TENM3: variants seen among roughly 807,000 people sequenced by gnomAD.
TENM3 encodes the protein teneurin-3.
In TENM3, 63 loss-of-function variants were observed where a neutral mutation model predicts 255.1. That is an observed-to-expected ratio of 0.25 (90% confidence interval 0.20 to 0.30). TENM3 has a LOEUF of 0.30. TENM3 is among the 10% of genes least tolerant of loss of function. The pLI, the probability that TENM3 is intolerant of heterozygous loss-of-function variation, is 1.00. For synonymous variants in TENM3, 1,306 were observed against 1,322.3 expected (o/e 0.99, Z 0.27); for missense variants, 2,929 against 3,461.1 (o/e 0.85, Z 3.86).
chr4:181,739,967 A>G, the TENM3 span, among the ~76,000 whole-genome samples: 1 of 152,332 alleles, frequency 6.6e-6, no homozygotes, highest in South Asian at 2.1e-4. Flanking sequence ...CGCACATGCT[A>G]TGGAAGGATT....
the TENM3 span, among the ~76,000 whole-genome samples, chr4:181,902,583 T>A: frequency 6.6e-6 from 1 of 152,174 alleles, no homozygotes; most frequent in Non-Finnish European, 1.5e-5. Context: ...CATGGAATAC[T>A]ATGCAGCCAT....
chr4:181,929,467 A>C, the TENM3 span, among the ~76,000 whole-genome samples: 1 of 152,232 alleles, frequency 6.6e-6, no homozygotes, highest in African/African-American at 2.4e-5. Flanking sequence ...GAATCAATGT[A>C]ACAAGAAGAG....
the TENM3 span, among the ~76,000 whole-genome samples, chr4:182,016,456 C>T: frequency 6.0e-4 from 91 of 152,284 alleles, 2 homozygotes; most frequent in Non-Finnish European, 3.5e-4. Context: ...CTGCTTTGAA[C>T]CTACCGTCCC....
the TENM3 span, among the ~76,000 whole-genome samples, chr4:181,936,930 A>G: frequency 3.7e-3 from 568 of 152,302 alleles, 4 homozygotes; most frequent in African/African-American, 0.013. Flanking sequence ...GCTTTCATAA[A>G]TAATAAAACA....
the TENM3 span, among the ~76,000 whole-genome samples, chr4:181,876,333 C>T: frequency 6.6e-6 from 1 of 152,130 alleles, no homozygotes; most frequent in African/African-American, 2.4e-5. Context: ...TAATGTCAGA[C>T]TTGTACCTAC....
chr4:182,244,314 C>T (rs755466840), intron 1 of TENM3, among the ~76,000 whole-genome samples: 35 of 152,000 alleles, frequency 2.3e-4, no homozygotes, highest in African/African-American at 8.0e-4. Flanking sequence ...GTGGTCACGG[C>T]GATCACAAAA....
rs371800785 is a variant in TENM3, at chr4:182,708,455, AT to A, written c.2222-5631del. On this transcript the variant is annotated intron_variant, in intron 12 of 27. Transcript: ENST00000511685. ...GGCGGCATTTTGTGTTTGTGAACAT[AT>A]GTGAATTTTTCTGGGAAGAGAACCC... Among the ~76,000 whole-genome samples, 66 of 152,328 alleles carry A rather than the reference AT, an allele frequency of 4.3e-4. 1 individual carries two copies. In the East Asian group the frequency reaches 9.5e-3, roughly 22 times the overall value.
At chr4:181,489,794 A>G in the TENM3 span, among the ~76,000 whole-genome samples, 1 of 152,200 alleles carries the variant, frequency 6.6e-6, no homozygotes, top group Non-Finnish European at 1.5e-5. Flanking sequence ...GGAAAATTGT[A>G]TTTTCAGCCC....
the TENM3 span, among the ~76,000 whole-genome samples, chr4:181,841,224 C>T: frequency 6.6e-6 from 1 of 152,034 alleles, no homozygotes; most frequent in Non-Finnish European, 1.5e-5. Context: ...AATAAATACT[C>T]TTCTTTTTTA....
At chr4:182,095,544 G>A in the TENM3 span, among the ~76,000 whole-genome samples, 1 of 152,160 alleles carries the variant, frequency 6.6e-6, no homozygotes. Flanking sequence ...GGCTGGGAAG[G>A]GTAGTGGGGA....
chr4:181,459,547 T>G, the TENM3 span, among the ~76,000 whole-genome samples: 6 of 151,926 alleles, frequency 3.9e-5, no homozygotes, highest in South Asian at 1.2e-3. Context: ...AACAGTCATT[T>G]TTTTATATAT....
chr4:182,359,046 G>C (rs1045180766), intron 3 of TENM3, among the ~76,000 whole-genome samples: 1 of 151,488 alleles, frequency 6.6e-6, no homozygotes, highest in Non-Finnish European at 1.5e-5. Context: ...TATTGAACCA[G>C]CCTTGCACCC....
At chr4:181,672,208 T>C in the TENM3 span, among the ~76,000 whole-genome samples, 1 of 152,168 alleles carries the variant, frequency 6.6e-6, no homozygotes, top group Non-Finnish European at 1.5e-5. Flanking sequence ...TGCAGATCTT[T>C]GCCCCTCTTT....
At chr4:182,490,194 G>T (rs553465809) in intron 3 of TENM3, among the ~76,000 whole-genome samples, 45 of 152,302 alleles carry the variant, frequency 3.0e-4, no homozygotes, top group Non-Finnish European at 5.1e-4. Flanking sequence ...TCTTTGTAAT[G>T]ATGATGTTGT....
chr4:182,295,009 G>A (rs1761374191), intron 1 of TENM3, among the ~76,000 whole-genome samples: 1 of 151,988 alleles, frequency 6.6e-6, no homozygotes, highest in Non-Finnish European at 1.5e-5. Context: ...GTGGGTGGGG[G>A]CAGGGGCTAC....
chr4:181,717,825 A>T, the TENM3 span, among the ~76,000 whole-genome samples: 2 of 152,236 alleles, frequency 1.3e-5, no homozygotes, highest in East Asian at 3.9e-4. Context: ...TAAAAAAAAT[A>T]AAACATTGTG....
chr4:182,086,207 C>T, the TENM3 span, among the ~76,000 whole-genome samples: 6 of 152,126 alleles, frequency 3.9e-5, no homozygotes, highest in African/African-American at 1.4e-4. Context: ...CAGTCTGACC[C>T]TGACTCAGGC....
chr4:182,007,771 G>A, the TENM3 span, among the ~76,000 whole-genome samples: 2 of 152,148 alleles, frequency 1.3e-5, no homozygotes, highest in East Asian at 1.9e-4. Flanking sequence ...TCATCGTGAC[G>A]CTATTTGGTT....
chr4:181,798,995 A>ACC, the TENM3 span, among the ~76,000 whole-genome samples: 1 of 152,210 alleles, frequency 6.6e-6, no homozygotes, highest in African/African-American at 2.4e-5. Flanking sequence ...AACAAGGGTA[A>ACC]CCTCCTTAAA....
Sources: gnomAD v4.1 joint callset for allele counts (sites outside exome capture counted in the v4.1 genomes callset) on GRCh38, gnomAD v4.1.1 for gene constraint, MANE v1.5 for transcripts, NCBI Gene and HGNC (gene_info 2026-07-23, HGNC 2026-07-21) for gene names.